NRG3: variants seen among roughly 807,000 people sequenced by gnomAD.
NRG3 encodes neuregulin 3, also known as pro-neuregulin-3, membrane-bound isoform.
NRG3 carries 31 observed loss-of-function variants against 66.9 expected under a neutral mutation model. That is an observed-to-expected ratio of 0.46 (90% CI 0.35 to 0.63). NRG3 has a LOEUF of 0.63. Ranked by LOEUF, NRG3 falls within the 20% of genes least tolerant of loss-of-function variation. The probability of loss-of-function intolerance (pLI) is 0.00; values close to 1 mark genes in which losing one functional copy is unlikely to be tolerated. For missense variants in NRG3, 910 were observed against 878.9 expected, an observed-to-expected ratio of 1.04 and a Z score of -0.45; for synonymous variants, 393 against 359.4, an observed-to-expected ratio of 1.09 and a Z score of -1.06.
chr10:82,346,820 C>T lies in NRG3; in HGVS notation c.824-11919C>T, dbSNP rs2083059111. ...AGAGTGTATGTGTCAAGGAATTTAT[C>T]CATTTCTTCTAGATTTTCTAGTTTA... On this transcript the variant is annotated intron_variant, in intron 1 of 8. Transcript: ENST00000372141. 3.3e-5 allele frequency among the ~76,000 whole-genome samples: 5 copies of T among 152,030 alleles called. No homozygotes were observed. In the South Asian group the frequency reaches 1.0e-3, roughly 31 times the overall value.
In NRG3 at chr10:82,394,282, G is replaced by A. The variant is rs146750487; in HGVS notation, c.953+35414G>A. ...ATGCAGGAGCACATTTACAAAGCAGGACTACGATGAGCGGGCACCCGCGAG... is the reference window on the plus strand; with the variant it reads ...ATGCAGGAGCACATTTACAAAGCAGAACTACGATGAGCGGGCACCCGCGAG... On this transcript the variant is annotated intron_variant, in intron 2 of 8. Transcript: ENST00000372141. Among the ~76,000 whole-genome samples the A allele has an allele frequency of 3.6e-3, 551 of 152,306 alleles. 2 individuals carry two copies. Among genetic ancestry groups the A allele is most frequent in the Middle Eastern group, 6.8e-3 (2 of 294 alleles).
At chr10:82,001,192 AG>A (rs147220712) in intron 1 of NRG3, among the ~76,000 whole-genome samples, 25,034 of 146,454 alleles carry the variant, frequency 0.17, 2,685 homozygotes, top group East Asian at 0.36. Context: ...GGAAAGTGTA[AG>A]AGAAAAAAAA....
chr10:82,201,590 A>G (rs1443238798), intron 1 of NRG3, among the ~76,000 whole-genome samples: 1 of 152,184 alleles, frequency 6.6e-6, no homozygotes, highest in East Asian at 1.9e-4. Context: ...TGAGAAGGCA[A>G]ACCTTCAATT....
chr10:82,553,616 A>G (rs144358760), intron 2 of NRG3, among the ~76,000 whole-genome samples: 1 of 152,290 alleles, frequency 6.6e-6, no homozygotes, highest in Admixed American at 6.5e-5. Context: ...AAGTGCCTTC[A>G]TAGCTGAATG....
intron 4 of NRG3, among the ~76,000 whole-genome samples, chr10:82,870,890 A>G (rs1841282547): frequency 6.6e-6 from 1 of 152,196 alleles, no homozygotes. Context: ...TTCTCTTGAC[A>G]GTATGCTTTG....
At chr10:81,997,339 G>T (rs1246252218) in intron 1 of NRG3, among the ~76,000 whole-genome samples, 1 of 152,208 alleles carries the variant, frequency 6.6e-6, no homozygotes, top group African/African-American at 2.4e-5. Context: ...CCTGTGCAGG[G>T]TCACTATGGG....
intron 1 of NRG3, among the ~76,000 whole-genome samples, chr10:82,351,130 G>A (rs1332860329): frequency 6.6e-6 from 1 of 152,006 alleles, no homozygotes; most frequent in Non-Finnish European, 1.5e-5. Context: ...TCCTGACCTC[G>A]AGATCTGCCC....
At chr10:82,583,576 G>A (rs1036714212) in intron 2 of NRG3, among the ~76,000 whole-genome samples, 8 of 152,062 alleles carry the variant, frequency 5.3e-5, no homozygotes, top group South Asian at 2.1e-4. Flanking sequence ...TAAACATTAC[G>A]CTTGTGATTT....
chr10:82,025,134 TTG>T (rs1269749013), intron 1 of NRG3, among the ~76,000 whole-genome samples: 2 of 152,006 alleles, frequency 1.3e-5, no homozygotes, highest in South Asian at 2.1e-4. Context: ...TAAGAAGAAA[TTG>T]TTTCTTATTT....
intron 2 of NRG3, among the ~76,000 whole-genome samples, chr10:82,568,054 T>C (rs1400667424): frequency 1.3e-5 from 2 of 151,850 alleles, no homozygotes; most frequent in Non-Finnish European, 2.9e-5. Context: ...GAGTATCTTA[T>C]GGGCCTAAAA....
intron 2 of NRG3, among the ~76,000 whole-genome samples, chr10:82,578,075 A>G (rs2046136919): frequency 2.0e-5 from 3 of 151,500 alleles, no homozygotes; most frequent in South Asian, 4.2e-4. Flanking sequence ...ACACAAACAC[A>G]TGTTCATTAC....
chr10:82,197,360 A>G lies in NRG3; in HGVS notation c.824-161379A>G, dbSNP rs572432576. Among the ~76,000 whole-genome samples the G allele has an allele frequency of 3.3e-5, 5 of 152,332 alleles. No individual in the cohort carries two copies. The East Asian group carries it at 5.8e-4, about 18-fold the overall frequency. ...ACTTAGTTTTCTGACTGCCATTTCT[A>G]TAGTACAAAGGCTCCAGGGTGCTTT... On this transcript the variant is annotated intron_variant, in intron 1 of 8. Coordinates refer to ENST00000372141, the MANE Select transcript of NRG3 (RefSeq NM_001010848.4).
At chr10:81,901,268 C>G (rs1844044622) in intron 1 of NRG3, among the ~76,000 whole-genome samples, 1 of 152,248 alleles carries the variant, frequency 6.6e-6, no homozygotes, top group African/African-American at 2.4e-5. Flanking sequence ...AGAAGCAGAA[C>G]TGCAGCCGGG....
chr10:82,800,896 A>G (rs1775824200), intron 3 of NRG3, among the ~76,000 whole-genome samples: 1 of 152,142 alleles, frequency 6.6e-6, no homozygotes, highest in South Asian at 2.1e-4. Context: ...TAGGGGCACA[A>G]TTGAGCTGGA....
intron 4 of NRG3, among the ~76,000 whole-genome samples, chr10:82,881,035 T>G (rs966625230): frequency 5.3e-5 from 8 of 152,112 alleles, no homozygotes; most frequent in Non-Finnish European, 1.5e-5. Context: ...GGAATAAGAG[T>G]GTGCTTTGTG....
chr10:82,184,157 T>C (rs1286651601), intron 1 of NRG3, among the ~76,000 whole-genome samples: 1 of 152,174 alleles, frequency 6.6e-6, no homozygotes, highest in Non-Finnish European at 1.5e-5. Context: ...GTGTCAAAAC[T>C]ATTTTTATAA....
At chr10:82,722,638 T>C (rs1264392057) in intron 2 of NRG3, among the ~76,000 whole-genome samples, 1 of 152,158 alleles carries the variant, frequency 6.6e-6, no homozygotes, top group Admixed American at 6.5e-5. Flanking sequence ...CAGGATAGCT[T>C]ATTAAATCAC....
At chr10:82,487,676 A>C (rs1429359978) in intron 2 of NRG3, among the ~76,000 whole-genome samples, 1 of 152,232 alleles carries the variant, frequency 6.6e-6, no homozygotes, top group Admixed American at 6.5e-5. Context: ...AGAAAAAGAA[A>C]AGGCATTTGC....
intron 2 of NRG3, among the ~76,000 whole-genome samples, chr10:82,405,517 C>A (rs1398020807): frequency 7.0e-6 from 1 of 141,954 alleles, no homozygotes; most frequent in Non-Finnish European, 1.5e-5. Context: ...TGTGCAGTGG[C>A]ATGATCTTGG....
Sources: gnomAD v4.1 joint callset for allele counts (sites outside exome capture counted in the v4.1 genomes callset) on GRCh38, gnomAD v4.1.1 for gene constraint, MANE v1.5 for transcripts, NCBI Gene and HGNC (gene_info 2026-07-23, HGNC 2026-07-21) for gene names.